Variants in LARGE1 observed in about 807,000 individuals in gnomAD.
The protein encoded by LARGE1 is xylosyl- and glucuronyltransferase LARGE1.
Under a neutral mutation model 87.6 loss-of-function variants are expected in LARGE1, and 43 were observed. The observed-to-expected ratio is 0.49, with a 90% confidence interval of 0.38 to 0.63. The LOEUF (loss-of-function observed/expected upper bound fraction) is 0.63, where lower values mean the gene tolerates loss of function less well. Among genes scored for constraint, LARGE1 ranks in the 30% least tolerant of loss-of-function variants. The pLI is 0.00. For synonymous variants in LARGE1, 434 were observed against 394.6 expected (o/e 1.10, Z -1.18); for missense variants, 802 against 1,000.2 (o/e 0.80, Z 2.67).
chr22:33,513,812 TACAC>T lies in LARGE1; in HGVS notation c.787+51032_787+51035del, dbSNP rs56262022. The stretch of plus-strand genomic sequence containing the variant: ...AGCTCTAGAGACTTAAGAGCTGATG[TACAC>T]ACACACACACACACACACACACACA... On this transcript the variant is annotated intron_variant, in intron 6 of 14. Coordinates refer to ENST00000397394, the MANE Select transcript of LARGE1 (RefSeq NM_133642.5). Among the ~76,000 whole-genome samples the T allele has an allele frequency of 3.8e-3, 545 of 143,250 alleles. 1 individual carries two copies. Among genetic ancestry groups the T allele is most frequent in the African/African-American group, 6.1e-3 (238 of 38,924 alleles). The allele number at this position is 143,250 out of a possible 152,430, so 94.0% of individuals were successfully genotyped here.
intron 6 of LARGE1, among the ~76,000 whole-genome samples, chr22:33,517,373 A>G (rs935292214): frequency 2.0e-5 from 3 of 152,162 alleles, no homozygotes; most frequent in Non-Finnish European, 4.4e-5. Context: ...GGTGGAGTAG[A>G]GCTACAAAAA....
chr22:33,649,272 C>T (rs130757), intron 3 of LARGE1, among the ~76,000 whole-genome samples: 148,037 of 152,280 alleles, frequency 0.97, 71,984 homozygotes, highest in Middle Eastern at 1. Flanking sequence ...GTTAGTGACA[C>T]TGGATAGTCT....
chr22:33,699,497 G>C (rs1480031940), intron 2 of LARGE1, among the ~76,000 whole-genome samples: 1 of 152,196 alleles, frequency 6.6e-6, no homozygotes. Flanking sequence ...GTCTTCACAG[G>C]ATTTTCATAA....
chr22:33,880,439 G>A (rs1341213008), intron 1 of LARGE1, among the ~76,000 whole-genome samples: 2 of 152,198 alleles, frequency 1.3e-5, no homozygotes, highest in Non-Finnish European at 2.9e-5. Context: ...AGGCTTAATT[G>A]AGAAATGTAC....
chr22:33,682,103 A>G (rs986294854), intron 2 of LARGE1, among the ~76,000 whole-genome samples: 2 of 152,236 alleles, frequency 1.3e-5, no homozygotes, highest in Admixed American at 6.5e-5. Context: ...GATCCACACC[A>G]TATTAACACA....
the LARGE1 span, among the ~76,000 whole-genome samples, chr22:33,141,352 A>G: frequency 6.6e-6 from 1 of 152,196 alleles, no homozygotes; most frequent in Non-Finnish European, 1.5e-5. Context: ...TAGAAGTTAC[A>G]TATCACTGAG....
At chr22:33,079,097 C>T in the LARGE1 span, among the ~76,000 whole-genome samples, 2 of 151,924 alleles carry the variant, frequency 1.3e-5, no homozygotes, top group African/African-American at 4.8e-5. Context: ...CTCATCTATG[C>T]CATGAGGATG....
chr22:33,882,211 T>C lies in LARGE1; in HGVS notation c.-83+37784A>G, dbSNP rs559402679. On this transcript the variant is annotated intron_variant, in intron 1 of 14. Transcript: ENST00000397394. ...ATGCCTGGCTAATTTTTTGTATTTT[T>C]AGTAGAGACGGGGTTTCATCGTGTT... Among the ~76,000 whole-genome samples, 5 of 152,218 alleles carry C rather than the reference T, an allele frequency of 3.3e-5. No homozygotes were observed. The South Asian group carries it at 1.0e-3, about 32-fold the overall frequency.
intron 4 of LARGE1, among the ~76,000 whole-genome samples, chr22:33,622,170 T>TATA (rs1040457488): frequency 6.6e-6 from 1 of 152,180 alleles, no homozygotes; most frequent in Admixed American, 6.5e-5. Flanking sequence ...TTGTAATTCC[T>TATA]ATAATCCCCA....
chr22:33,163,656 G>A (rs989350927), exon 12 of LARGE1: 13 of 152,234 alleles, frequency 8.5e-5, no homozygotes, highest in Admixed American at 4.6e-4. Context: ...ACATTCCAGT[G>A]TAAGAAATGC....
intron 5 of LARGE1, among the ~76,000 whole-genome samples, chr22:33,579,314 C>T (rs2078444146): frequency 6.6e-6 from 1 of 152,212 alleles, no homozygotes; most frequent in Non-Finnish European, 1.5e-5. Context: ...ATGGGACTTG[C>T]TCCTCCTTGC....
Position 33,739,686 on chromosome 22 carries a change from C to T in LARGE1, c.106+21685G>A, listed in dbSNP as rs2083802878. 2.0e-5 allele frequency among the ~76,000 whole-genome samples: 3 copies of T among 152,184 alleles called. 1 individual carries two copies. The South Asian group carries it at 6.2e-4, about 32-fold the overall frequency. On this transcript the variant is annotated intron_variant, in intron 2 of 14. Coordinates refer to ENST00000397394, the MANE Select transcript of LARGE1 (RefSeq NM_133642.5). ...GTCCCACAGACAGTGGTGCAGCTGA[C>T]AGTGCCTGAGCTCAGTGGGGCAGCC...
chr22:33,300,328 A>G, intron 12 of LARGE1, among the ~76,000 whole-genome samples: 1 of 152,322 alleles, frequency 6.6e-6, no homozygotes, highest in East Asian at 1.9e-4. Flanking sequence ...GGTTTCTGGC[A>G]CATGGTAAGG....
intron 1 of LARGE1, among the ~76,000 whole-genome samples, chr22:33,779,014 A>G (rs1192724732): frequency 2.6e-5 from 4 of 152,136 alleles, no homozygotes; most frequent in Admixed American, 6.6e-5. Flanking sequence ...TTGTTTATCC[A>G]TTCATCAGGT....
intron 2 of LARGE1, among the ~76,000 whole-genome samples, chr22:33,720,882 G>A: frequency 6.6e-6 from 1 of 152,198 alleles, no homozygotes; most frequent in East Asian, 1.9e-4. Context: ...TGAGGCCAGG[G>A]GGCTGCTGGA....
intron 1 of LARGE1, among the ~76,000 whole-genome samples, chr22:33,772,096 G>A (rs558138570): frequency 6.6e-6 from 1 of 152,176 alleles, no homozygotes; most frequent in Admixed American, 6.5e-5. Context: ...CACTTTGGGA[G>A]GCCAAGGCAG....
chr22:33,431,890 G>C (rs1272248676), intron 7 of LARGE1, among the ~76,000 whole-genome samples: 1 of 152,210 alleles, frequency 6.6e-6, no homozygotes, highest in African/African-American at 2.4e-5. Flanking sequence ...GGGTCATACT[G>C]ATAAAGATAT....
intron 11 of LARGE1, among the ~76,000 whole-genome samples, chr22:33,240,579 G>C (rs1926465258): frequency 6.6e-6 from 1 of 152,152 alleles, no homozygotes; most frequent in Non-Finnish European, 1.5e-5. Context: ...ATAATGGTAA[G>C]TTTTGAGATC....
At chr22:33,737,023 G>A (rs543691592) in intron 2 of LARGE1, among the ~76,000 whole-genome samples, 4 of 152,220 alleles carry the variant, frequency 2.6e-5, no homozygotes, top group South Asian at 2.1e-4. Context: ...TGACATGCAC[G>A]AAGACCTGGA....
Sources: gnomAD v4.1 joint callset for allele counts (sites outside exome capture counted in the v4.1 genomes callset) on GRCh38, gnomAD v4.1.1 for gene constraint, MANE v1.5 for transcripts, NCBI Gene and HGNC (gene_info 2026-07-23, HGNC 2026-07-21) for gene names.